The following SH3PXD2A variants were observed in gnomAD, a reference collection of about 807,000 sequenced individuals.
The protein encoded by SH3PXD2A is SH3 and PX domains 2A.
SH3PXD2A carries 32 observed loss-of-function variants against 115.2 expected under a neutral mutation model. The ratio of observed to expected loss-of-function variants is 0.28; its 90% CI spans 0.21 to 0.37. The LOEUF is 0.37. Ranked by LOEUF, SH3PXD2A falls within the 10% of genes least tolerant of loss-of-function variation. The pLI, the probability that SH3PXD2A is intolerant of heterozygous loss-of-function variation, is 1.00. For missense variants in SH3PXD2A, 1,328 were observed against 1,498.7 expected (o/e 0.89, Z 1.88); for synonymous variants, 610 against 629.1 (o/e 0.97, Z 0.45).
intron 1 of SH3PXD2A, among the ~76,000 whole-genome samples, chr10:103,837,406 C>T (rs943786455): frequency 6.6e-6 from 1 of 152,196 alleles, no homozygotes; most frequent in African/African-American, 2.4e-5. Context: ...AAGACAAGGC[C>T]TTGGATCCAG....
intron 4 of SH3PXD2A, among the ~76,000 whole-genome samples, chr10:103,725,699 G>A (rs776582326): frequency 6.6e-5 from 10 of 152,016 alleles, no homozygotes; most frequent in Non-Finnish European, 1.5e-4. Flanking sequence ...GGTGGAGGGC[G>A]CCTGTAATGC....
At chr10:103,697,206 C>T (rs755861661) in intron 5 of SH3PXD2A, among the ~76,000 whole-genome samples, 3 of 152,100 alleles carry the variant, frequency 2.0e-5, no homozygotes, top group South Asian at 2.1e-4. Flanking sequence ...ATCTGTAGAA[C>T]GAGGACAATA....
At chr10:103,695,123 A>G (rs3758575) in intron 5 of SH3PXD2A, among the ~76,000 whole-genome samples, 86,248 of 151,936 alleles carry the variant, frequency 0.57, 25,150 homozygotes, top group South Asian at 0.71. Flanking sequence ...CTGAGGAGCT[A>G]CCCTCTGCTG....
rs765874609 is a variant in SH3PXD2A at position 103,602,993 on chromosome 10, G to A, written c.2225C>T (p.Ala742Val). ...PKVRAKKDAD[A>V]NAGLTSCPRA... ...GGGACAGGAGGTCAGCCCAGCGTTCGCATCAGCATCCTTCTTTGCCCTGAC... is the reference window on the plus strand; with the variant it reads ...GGGACAGGAGGTCAGCCCAGCGTTCACATCAGCATCCTTCTTTGCCCTGAC... Residue 742 changes from alanine to valine, a missense_variant, in exon 15 of 15, where the codon GCG becomes GTG. This residue lies in a region of SH3PXD2A where 574 missense variants were observed against 565.7 expected (regional missense o/e 1.01). Coordinates refer to ENST00000369774, the MANE Select transcript of SH3PXD2A (RefSeq NM_001394015.1). The A allele has an allele frequency of 1.2e-6, 2 of 1,614,184 alleles. No homozygotes were observed. The highest frequency in any genetic ancestry group is 1.3e-5 in the African/African-American group (1 of 75,066).
chr10:103,824,011 C>T (rs1312881938), intron 1 of SH3PXD2A, among the ~76,000 whole-genome samples: 2 of 152,216 alleles, frequency 1.3e-5, no homozygotes. Context: ...CATATTGTCC[C>T]TTGCCAGCTG....
intron 1 of SH3PXD2A, among the ~76,000 whole-genome samples, chr10:103,814,019 CA>C (rs1252173616): frequency 0.018 from 2,169 of 123,538 alleles, 42 homozygotes; most frequent in African/African-American, 0.059. Flanking sequence ...AAAAAAACAA[CA>C]AAAAAAAAAC....
chr10:103,756,091 G>T lies in SH3PXD2A; in HGVS notation c.229+11003C>A, dbSNP rs575045509. ...CCAACTGTGGTCTGGAGGCTGGGCA[G>T]CCTGGCATCCTGGGGCCTCCTCAGT... is the stretch of plus-strand genomic sequence containing the variant. On this transcript the variant is annotated intron_variant, in intron 3 of 14. Transcript: ENST00000369774. This position sits in a 1 kb window ranked among gnomAD's most constrained non-coding sequence, Gnocchi z 4.4. 7.2e-5 allele frequency among the ~76,000 whole-genome samples: 11 copies of T among 152,238 alleles called. No homozygotes were observed. Among genetic ancestry groups the T allele is most frequent in the African/African-American group, 2.4e-4 (10 of 41,476 alleles).
At chr10:103,657,550 C>A (rs569353798) in intron 8 of SH3PXD2A, among the ~76,000 whole-genome samples, 6 of 152,348 alleles carry the variant, frequency 3.9e-5, no homozygotes, top group African/African-American at 9.6e-5. Flanking sequence ...TATGAATCTT[C>A]CTGCTCTATG....
intron 1 of SH3PXD2A, among the ~76,000 whole-genome samples, chr10:103,812,992 T>C (rs1203603575): frequency 6.6e-6 from 1 of 152,104 alleles, no homozygotes; most frequent in African/African-American, 2.4e-5. Flanking sequence ...TATATAAAGA[T>C]AAGGAATATT....
chr10:103,658,067 C>T (rs1301702183), intron 8 of SH3PXD2A, among the ~76,000 whole-genome samples: 1 of 152,228 alleles, frequency 6.6e-6, no homozygotes, highest in Non-Finnish European at 1.5e-5. Context: ...GGTGTTGTTC[C>T]ATGATATCCC....
rs577143496 is a variant in SH3PXD2A, at chr10:103,851,198, T to G, written c.72+3997A>C. On this transcript the variant is annotated intron_variant, in intron 1 of 14. Coordinates refer to ENST00000369774, the MANE Select transcript of SH3PXD2A (RefSeq NM_001394015.1). ...AGAAATGAATGAGTTTGGGGCCAAT[T>G]CCTAAGCATGTAGCTCCCAGGACCA... Among the ~76,000 whole-genome samples, 38 of 150,692 alleles carry G rather than the reference T, an allele frequency of 2.5e-4. 1 individual carries two copies. In the South Asian group the frequency reaches 7.8e-3, roughly 31 times the overall value.
intron 8 of SH3PXD2A, among the ~76,000 whole-genome samples, chr10:103,639,053 G>A (rs968848191): frequency 6.6e-6 from 1 of 152,196 alleles, no homozygotes; most frequent in Non-Finnish European, 1.5e-5. Context: ...GCAGAGCAGT[G>A]GATGGATGAG....
At chr10:103,696,793 C>T (rs1049877556) in intron 5 of SH3PXD2A, among the ~76,000 whole-genome samples, 1 of 152,250 alleles carries the variant, frequency 6.6e-6, no homozygotes, top group African/African-American at 2.4e-5. Context: ...CATTCATTCT[C>T]TGCAGCTGGT....
At chr10:103,812,516 C>T (rs1726453648) in intron 1 of SH3PXD2A, among the ~76,000 whole-genome samples, 1 of 152,148 alleles carries the variant, frequency 6.6e-6, no homozygotes, top group East Asian at 1.9e-4. Flanking sequence ...ATGGGATTCT[C>T]ATTCCACACA....
At chr10:103,849,947 T>C (rs1408177245) in intron 1 of SH3PXD2A, among the ~76,000 whole-genome samples, 1 of 152,182 alleles carries the variant, frequency 6.6e-6, no homozygotes, top group African/African-American at 2.4e-5. Context: ...TTTTGTTTAA[T>C]TAAGAGGTAA....
At chr10:103,697,281 A>G (rs1466777576) in intron 5 of SH3PXD2A, among the ~76,000 whole-genome samples, 1 of 152,174 alleles carries the variant, frequency 6.6e-6, no homozygotes, top group Admixed American at 6.5e-5. Flanking sequence ...GGCTTCGCAC[A>G]GTGGCCGGCA....
intron 8 of SH3PXD2A, among the ~76,000 whole-genome samples, chr10:103,629,780 A>G (rs891527830): frequency 1.3e-5 from 2 of 152,210 alleles, no homozygotes; most frequent in African/African-American, 4.8e-5. Context: ...AAGGAGTCCC[A>G]GGGCTCTGTC....
intron 2 of SH3PXD2A, among the ~76,000 whole-genome samples, chr10:103,782,943 G>T (rs372903113): frequency 6.6e-6 from 1 of 151,456 alleles, no homozygotes; most frequent in Admixed American, 6.6e-5. Flanking sequence ...TGGGGGGGGG[G>T]GCTCTCTGAT....
intron 5 of SH3PXD2A, among the ~76,000 whole-genome samples, chr10:103,704,324 G>A (rs11191775): frequency 3.9e-5 from 6 of 151,992 alleles, no homozygotes; most frequent in Non-Finnish European, 1.5e-5. Flanking sequence ...CTGGCCTCAG[G>A]GGGAGGGGGG....
Sources: allele counts gnomAD v4.1 joint callset (sites outside exome capture counted in the v4.1 genomes callset), GRCh38; gene constraint gnomAD v4.1.1; regional missense constraint gnomAD v4.1.1; non-coding constraint Gnocchi (gnomAD v3.1); transcripts MANE v1.5; gene names NCBI Gene and HGNC (gene_info 2026-07-23, HGNC 2026-07-21).